Variants in SYNE3 observed in about 807,000 individuals in gnomAD.
The protein encoded by SYNE3 is nesprin-3.
Under a neutral mutation model 111.2 loss-of-function variants are expected in SYNE3, and 100 were observed. That is an observed-to-expected ratio of 0.90 (90% confidence interval 0.77 to 1.06). The LOEUF (loss-of-function observed/expected upper bound fraction) is 1.06. Among genes scored for constraint, SYNE3 ranks in the 50% least tolerant of loss-of-function variants. The pLI is 0.00. For missense variants in SYNE3, 1,160 were observed against 1,240.3 expected (o/e 0.94, Z 0.97); for synonymous variants, 547 against 533.9 (o/e 1.02, Z -0.34).
chr14:95,439,624 T>C lies in SYNE3; in HGVS notation c.2234A>G (p.Glu745Gly). The change falls in exon 13 of 18, where the codon GAA becomes GGA. Residue 745 changes from glutamate to glycine, a missense_variant. Physicochemically the swap from Glu to Gly is moderately conservative, Grantham distance 98. Transcript: ENST00000682763. ...GAGGCACTCTCACCTCAGCAGACTT[T>C]CTTCCAGCAGCCTCAAGGCCCGCCA... ...ESWRALRLLE[E>G]SLLSLIRNWH... is the part of the protein sequence containing the mutation. The C allele has an allele frequency of 6.2e-7, 1 of 1,610,418 alleles. No homozygotes were observed. Among genetic ancestry groups the C allele is most frequent in the Non-Finnish European group, 8.5e-7 (1 of 1,179,980 alleles).
chr14:95,444,602 A>G lies in SYNE3; in HGVS notation c.1659T>C (p.Phe553=). The G allele has an allele frequency of 1.2e-6, 2 of 1,610,262 alleles. No homozygotes were observed. The highest frequency in any genetic ancestry group is 1.7e-6 in the Non-Finnish European group (2 of 1,177,638). The change falls in exon 10 of 18, where the codon TTT becomes TTC. Residue 553 remains phenylalanine, a synonymous_variant. Transcript: ENST00000682763. ...TCTGCAGGGGCTCAAAAGCTGCTCC[A>G]AAGTCTTTGTGCTGAGCGAGCAGGC... is the stretch of plus-strand genomic sequence containing the variant. ...LQSLLAQHKD[F]GAAFEPLQRK... is the part of the protein sequence containing the mutation.
chr14:95,495,959 C>T (rs1890074886), intron 1 of SYNE3, among the ~76,000 whole-genome samples: 1 of 152,170 alleles, frequency 6.6e-6, no homozygotes, highest in Non-Finnish European at 1.5e-5. Context: ...AAGAGTATGG[C>T]TTGAAATGAA....
At chr14:95,479,432 C>T (rs1212545666) in intron 1 of SYNE3, among the ~76,000 whole-genome samples, 2 of 152,058 alleles carry the variant, frequency 1.3e-5, no homozygotes, top group Non-Finnish European at 2.9e-5. Context: ...GAAATAGTTC[C>T]TTTTTACCAA....
At chr14:95,424,049 G>T (rs967247194) in intron 17 of SYNE3, among the ~76,000 whole-genome samples, 1 of 152,062 alleles carries the variant, frequency 6.6e-6, no homozygotes, top group Admixed American at 6.5e-5. Context: ...GACCCCCAAG[G>T]AAACATCTAA....
intron 2 of SYNE3, 145 bp from the exon 3 acceptor site, chr14:95,468,112 G>A: frequency 9.9e-7 from 1 of 1,013,564 alleles, no homozygotes; most frequent in Non-Finnish European, 1.4e-6. Context: ...ACCCCTTCTT[G>A]TGGGGTCTTG....
intron 1 of SYNE3, among the ~76,000 whole-genome samples, chr14:95,502,852 C>G (rs1357035223): frequency 6.6e-6 from 1 of 152,178 alleles, no homozygotes; most frequent in East Asian, 1.9e-4. Flanking sequence ...AAGTCTTCCC[C>G]AGATGCTTGT....
intron 1 of SYNE3, among the ~76,000 whole-genome samples, chr14:95,482,503 G>C (rs1889322043): frequency 6.6e-6 from 1 of 152,146 alleles, no homozygotes; most frequent in Non-Finnish European, 1.5e-5. Context: ...TGATCCAGAG[G>C]CTCCAAGAAT....
intron 1 of SYNE3, among the ~76,000 whole-genome samples, chr14:95,505,662 T>C (rs1305712247): frequency 6.6e-6 from 1 of 152,200 alleles, no homozygotes; most frequent in Non-Finnish European, 1.5e-5. Context: ...CTTTTTACCT[T>C]TTTCTTTTTT....
At chr14:95,443,351 G>C (rs1421489503) in intron 10 of SYNE3, 62 bp from the exon 11 acceptor site, 2 of 1,599,326 alleles carry the variant, frequency 1.3e-6, no homozygotes, top group Non-Finnish European at 1.7e-6. Context: ...TGGGGTGGCC[G>C]ATCAGGGCAG....
At chr14:95,472,323 C>A (rs1314672441) in intron 2 of SYNE3, among the ~76,000 whole-genome samples, 1 of 152,150 alleles carries the variant, frequency 6.6e-6, no homozygotes, top group Admixed American at 6.5e-5. Context: ...GACAAGGGAG[C>A]CTGAGATCGT....
chr14:95,436,762 G>C (rs1886106721), intron 15 of SYNE3, 58 bp downstream of exon 15: 5 of 1,581,948 alleles, frequency 3.2e-6, no homozygotes. Context: ...CTCCCTGGTG[G>C]CAAATGCCTC....
In SYNE3 at chr14:95,440,046, C is replaced by A; in HGVS notation, c.1941G>T (p.Val647=). The A allele has an allele frequency of 6.2e-7, 1 of 1,607,752 alleles. No individual in the cohort carries two copies. Among genetic ancestry groups the A allele is most frequent in the Non-Finnish European group, 8.5e-7 (1 of 1,179,844 alleles). Residue 647 remains valine (V), a synonymous_variant, in exon 12 of 18, where the codon GTG becomes GTT. Coordinates refer to ENST00000682763, the MANE Select transcript of SYNE3 (RefSeq NM_152592.6). Reference sequence around the variant, plus strand: ...GGTGGCTGAAGGTGCAGTGCTCCTGCACACTCTGCCGACACCTGTCCACAA... The same window carrying A: ...GGTGGCTGAAGGTGCAGTGCTCCTGAACACTCTGCCGACACCTGTCCACAA... The part of the protein sequence containing the change: ...EDLVDRCRQS[V]QEHCTFSHQL...
chr14:95,473,521 C>G (rs891256053), intron 2 of SYNE3, among the ~76,000 whole-genome samples: 3 of 151,952 alleles, frequency 2.0e-5, no homozygotes, highest in Non-Finnish European at 4.4e-5. Context: ...ACACCCAGAC[C>G]CACACAAAAA....
intron 4 of SYNE3, among the ~76,000 whole-genome samples, chr14:95,464,852 A>T (rs1888067385): frequency 6.6e-6 from 1 of 152,266 alleles, no homozygotes; most frequent in Non-Finnish European, 1.5e-5. Context: ...CTTCAGCCTT[A>T]GACCTGGAAC....
Position 95,472,265 on chromosome 14 carries a change from A to G in SYNE3, c.144+3413T>C, listed in dbSNP as rs143465485. ...GTGCTCCTGACCAAGACGGTGGCCCAGAAGCTGGTGAGGAAGCTGCCTGGC... is the reference window on the plus strand; with the variant it reads ...GTGCTCCTGACCAAGACGGTGGCCCGGAAGCTGGTGAGGAAGCTGCCTGGC... On this transcript the variant is annotated intron_variant, in intron 2 of 17. Coordinates refer to ENST00000682763, the MANE Select transcript of SYNE3 (RefSeq NM_152592.6). Among the ~76,000 whole-genome samples the G allele has an allele frequency of 8.8e-3, 1,348 of 152,374 alleles. 27 individuals carry two copies. The highest frequency in any genetic ancestry group is 0.031 in the African/African-American group (1,283 of 41,578).
chr14:95,500,080 G>C lies in SYNE3; in HGVS notation c.-15+16516C>G, dbSNP rs1171047041. Among the ~76,000 whole-genome samples, 5 of 151,936 alleles carry C rather than the reference G, an allele frequency of 3.3e-5. No homozygotes were observed. Among genetic ancestry groups the C allele is most frequent in the African/African-American group, 9.7e-5 (4 of 41,356 alleles). On this transcript the variant is annotated intron_variant, in intron 1 of 17. Coordinates refer to ENST00000682763, the MANE Select transcript of SYNE3 (RefSeq NM_152592.6). The surrounding 1 kb of genome is among the most constrained non-coding windows in gnomAD (Gnocchi z 4.7). ...TCACCATGTTGGTCAGGCTGGTCTT[G>C]AACTCTTGACCTCAGGTGATCCACC...
intron 4 of SYNE3, among the ~76,000 whole-genome samples, chr14:95,462,710 G>A (rs970248435): frequency 1.8e-4 from 28 of 152,122 alleles, no homozygotes; most frequent in Admixed American, 1.5e-3. Flanking sequence ...AGAAGCACCC[G>A]GGGCCCCAGC....
intron 17 of SYNE3, among the ~76,000 whole-genome samples, chr14:95,425,927 A>T (rs1885404605): frequency 1.3e-5 from 2 of 152,250 alleles, no homozygotes; most frequent in South Asian, 4.1e-4. Flanking sequence ...GGATAGAGGC[A>T]GCTGGAAGAG....
At chr14:95,482,801 C>A (rs1889337486) in intron 1 of SYNE3, among the ~76,000 whole-genome samples, 1 of 152,188 alleles carries the variant, frequency 6.6e-6, no homozygotes. Context: ...ACTCACTTAT[C>A]CTACATAGGC....
Sources: allele counts gnomAD v4.1 joint callset (sites outside exome capture counted in the v4.1 genomes callset), GRCh38; gene constraint gnomAD v4.1.1; non-coding constraint Gnocchi (gnomAD v3.1); transcripts MANE v1.5; gene names NCBI Gene and HGNC (gene_info 2026-07-23, HGNC 2026-07-21).